RELN: variants seen among roughly 807,000 people sequenced by gnomAD.
RELN encodes the protein reelin.
Under a neutral mutation model 427.6 loss-of-function variants are expected in RELN, and 108 were observed. The ratio of observed to expected loss-of-function variants is 0.25; its 90% CI spans 0.22 to 0.30. The LOEUF is 0.30. Among genes scored for constraint, RELN ranks in the 10% least tolerant of loss-of-function variants. The probability of loss-of-function intolerance (pLI) is 1.00; values close to 1 mark genes in which losing one functional copy is unlikely to be tolerated. For synonymous variants in RELN, 1,524 were observed against 1,513.4 expected, an observed-to-expected ratio of 1.01 and a Z score of -0.16; for missense variants, 3,715 against 4,302.8, an observed-to-expected ratio of 0.86 and a Z score of 3.82.
chr7:103,731,083 A>G (rs1239557189), intron 6 of RELN, among the ~76,000 whole-genome samples: 1 of 152,120 alleles, frequency 6.6e-6, no homozygotes, highest in Non-Finnish European at 1.5e-5. Flanking sequence ...CAATGATGCA[A>G]TGATAGCTAT....
intron 2 of RELN, among the ~76,000 whole-genome samples, chr7:103,885,712 A>G (rs1794712386): frequency 6.6e-6 from 1 of 152,192 alleles, no homozygotes. Context: ...CGTTCTGCAC[A>G]TGTATCCCAG....
At chr7:103,889,222 G>T (rs919475658) in intron 2 of RELN, among the ~76,000 whole-genome samples, 2 of 152,202 alleles carry the variant, frequency 1.3e-5, no homozygotes, top group African/African-American at 4.8e-5. Context: ...TTCATGCAAT[G>T]TAAGTAAAAC....
At position 103,594,469 on chromosome 7, in the gene RELN, G is replaced by A. The variant is rs776929077; in HGVS notation, c.3563C>T (p.Ala1188Val). The change falls in exon 26 of 65, where the codon GCT becomes GTT. Residue 1188 changes from alanine to valine, a missense_variant. Transcript: ENST00000428762. Reference sequence around the variant, plus strand: ...CCTGGTGCAAGGGGTCTTGGCAGCAGCTGGAAGCTCCAGATAGACAAATCT... The same window carrying A: ...CCTGGTGCAAGGGGTCTTGGCAGCAACTGGAAGCTCCAGATAGACAAATCT... Reference protein sequence around the residue: ...KPRFVYLELPAAAKTPCTRFR... With the variant: ...KPRFVYLELPVAAKTPCTRFR... 6.2e-7 allele frequency: 1 copy of A among 1,613,956 alleles called. No homozygotes were observed. The highest frequency in any genetic ancestry group is 8.5e-7 in the Non-Finnish European group (1 of 1,179,900).
chr7:103,822,341 TTAG>T (rs1793035404), intron 3 of RELN, among the ~76,000 whole-genome samples: 1 of 151,968 alleles, frequency 6.6e-6, no homozygotes, highest in African/African-American at 2.4e-5. Flanking sequence ...TTCATAATAT[TTAG>T]AAGAGGAATG....
In RELN at chr7:103,603,478, C is replaced by T. The variant is rs747322114; in HGVS notation, c.3159G>A (p.Gly1053=). The T allele has an allele frequency of 3.1e-6, 5 of 1,613,604 alleles. No individual in the cohort carries two copies. Among genetic ancestry groups the T allele is most frequent in the East Asian group, 4.5e-5 (2 of 44,870 alleles). ...CTGGGTGGCATTCAGTGCCTTGGTA[C>T]CCCTGGTCACACCTATGAGAGAGCA... ...CDHGICRCDQ[G]YQGTECHPEA... Residue 1053 remains glycine, a synonymous_variant, in exon 24 of 65, where the codon GGG becomes GGA. Transcript: ENST00000428762. The surrounding 1 kb of genome is among the most constrained non-coding windows in gnomAD (Gnocchi z 4.3).
chr7:103,487,573 A>T (rs560957632), intron 60 of RELN, among the ~76,000 whole-genome samples: 13 of 152,026 alleles, frequency 8.6e-5, no homozygotes, highest in Admixed American at 6.5e-4. Flanking sequence ...CTTTGAGTCA[A>T]TGTTTACTAA....
chr7:103,626,385 C>A lies in RELN; in HGVS notation c.2702+3555G>T, dbSNP rs1832329649. 6.6e-6 allele frequency among the ~76,000 whole-genome samples: 1 copy of A among 152,116 alleles called. No individual in the cohort carries two copies. Among genetic ancestry groups the A allele is most frequent in the African/African-American group, 2.4e-5 (1 of 41,434 alleles). On this transcript the variant is annotated intron_variant, in intron 20 of 64. Transcript: ENST00000428762. This position sits in a 1 kb window ranked among gnomAD's most constrained non-coding sequence, Gnocchi z 4.4. ...ATTTATTTAGAGACAGAGTCTTGCT[C>A]TGTCACCCAGGCTGGAGTGCATTGG...
At chr7:103,495,642 T>A in intron 57 of RELN, 81 bp downstream of exon 57, 1 of 1,293,690 alleles carries the variant, frequency 7.7e-7, no homozygotes, top group Non-Finnish European at 1.1e-6. Context: ...GTCATTTCCT[T>A]ATAGTTGTCT....
In RELN at chr7:103,522,130, G is replaced by A; in HGVS notation, c.7560C>T (p.Asp2520=). The change falls in exon 48 of 65, where the codon GAC becomes GAT. Residue 2520 remains aspartate (D), a synonymous_variant. Coordinates refer to ENST00000428762, the MANE Select transcript of RELN (RefSeq NM_005045.4). Reference sequence around the variant, plus strand: ...GACTGGATGGAGCTCGATTGAAGTTGTCTTTGAGTTGGGTTGGAAGAGAGG... The same window carrying A: ...GACTGGATGGAGCTCGATTGAAGTTATCTTTGAGTTGGGTTGGAAGAGAGG... ...PETSLPTQLK[D]NFNRAPSSQN... 3 of 1,614,100 alleles carry A rather than the reference G, an allele frequency of 1.9e-6. No homozygotes were observed. The highest frequency in any genetic ancestry group is 1.3e-5 in the African/African-American group (1 of 75,016).
At position 103,515,169 on chromosome 7, in the gene RELN, G is replaced by A. The variant is rs572656670; in HGVS notation, c.8119+16C>T. On this transcript the variant is annotated intron_variant, in intron 50 of 64. Coordinates refer to ENST00000428762, the MANE Select transcript of RELN (RefSeq NM_005045.4). Reference sequence around the variant, plus strand: ...ATTTCCACTGGGCTTTTTATTTAGCGCTGTGCATAATTTACCTGAAGTTTT... The same window carrying A: ...ATTTCCACTGGGCTTTTTATTTAGCACTGTGCATAATTTACCTGAAGTTTT... 15 of 1,614,044 alleles carry A rather than the reference G, an allele frequency of 9.3e-6. No homozygotes were observed. The highest frequency in any genetic ancestry group is 8.0e-5 in the African/African-American group (6 of 75,018).
intron 49 of RELN, among the ~76,000 whole-genome samples, chr7:103,518,369 G>A (rs1829620408): frequency 8.3e-6 from 1 of 120,332 alleles, no homozygotes; most frequent in Non-Finnish European, 1.6e-5. Flanking sequence ...GTCTTACTCT[G>A]TCACCCAGGC....
chr7:103,939,827 A>G (rs934854907), intron 1 of RELN, among the ~76,000 whole-genome samples: 1 of 152,196 alleles, frequency 6.6e-6, no homozygotes, highest in African/African-American at 2.4e-5. Flanking sequence ...TGTGAGAGAT[A>G]CATACTAATG....
In RELN at chr7:103,565,342, T is replaced by C. The variant is rs776664031; in HGVS notation, c.5146A>G (p.Ile1716Val). The C allele has an allele frequency of 1.2e-5, 19 of 1,614,018 alleles. No individual in the cohort carries two copies. The highest frequency in any genetic ancestry group is 1.1e-5 in the South Asian group (1 of 91,086). The stretch of plus-strand genomic sequence containing the variant: ...TTCTGGAATCTTTCCGAGGTGTAAA[T>C]TGAACTTTCCGTGTAATGCAGACAG... ...IGCLHYTESS[I>V]YTSERFQNWK... The change falls in exon 34 of 65, where the codon ATT becomes GTT. Residue 1716 changes from isoleucine (I) to valine (V), a missense_variant. Coordinates refer to ENST00000428762, the MANE Select transcript of RELN (RefSeq NM_005045.4).
rs757899051 is a variant in RELN, at chr7:103,596,637, A to C, written c.3358T>G (p.Trp1120Gly). Residue 1120 changes from tryptophan (W) to glycine (G), a missense_variant, in exon 25 of 65, where the codon TGG becomes GGG. Coordinates refer to ENST00000428762, the MANE Select transcript of RELN (RefSeq NM_005045.4). Reference protein sequence around the residue: ...SKAGKRQLVSWDLDTSWVDFV... With the variant: ...SKAGKRQLVSGDLDTSWVDFV... ...TCCACCCAAGAAGTATCCAGGTCCC[A>C]ACTCACCAGCTGTCTTTTCCCAGCC... 2.5e-6 allele frequency: 4 copies of C among 1,613,908 alleles called. No homozygotes were observed. Among genetic ancestry groups the C allele is most frequent in the Non-Finnish European group, 3.4e-6 (4 of 1,179,922 alleles).
At chr7:103,735,067 T>C (rs1223822008) in intron 6 of RELN, among the ~76,000 whole-genome samples, 1 of 152,134 alleles carries the variant, frequency 6.6e-6, no homozygotes, top group Non-Finnish European at 1.5e-5. Context: ...ATCTCTTTTT[T>C]TTCACTAACA....
chr7:103,894,824 C>T (rs1794924224), intron 2 of RELN, among the ~76,000 whole-genome samples: 1 of 152,054 alleles, frequency 6.6e-6, no homozygotes, highest in Admixed American at 6.6e-5. Context: ...AGATAAGCAA[C>T]CAGCAGTTGG....
At chr7:103,529,203 T>TC (rs1829887862) in intron 46 of RELN, among the ~76,000 whole-genome samples, 2 of 152,010 alleles carry the variant, frequency 1.3e-5, no homozygotes, top group Non-Finnish European at 1.5e-5. Flanking sequence ...CCCATCTCTT[T>TC]CCCCCATTCC....
At chr7:103,633,749 C>T (rs1832520141) in intron 19 of RELN, among the ~76,000 whole-genome samples, 2 of 152,040 alleles carry the variant, frequency 1.3e-5, no homozygotes, top group Non-Finnish European at 1.5e-5. Context: ...TTGCAGCTGT[C>T]CATCTTTCTT....
intron 2 of RELN, among the ~76,000 whole-genome samples, chr7:103,845,941 C>T (rs567502916): frequency 3.2e-4 from 49 of 152,276 alleles, no homozygotes; most frequent in African/African-American, 1.2e-3. Context: ...AATAGCCACA[C>T]TGCCCAAACA....
Sources: gnomAD v4.1 joint callset for allele counts (sites outside exome capture counted in the v4.1 genomes callset) on GRCh38, gnomAD v4.1.1 for gene constraint, Gnocchi (gnomAD v3.1) non-coding constraint, MANE v1.5 for transcripts, NCBI Gene and HGNC (gene_info 2026-07-23, HGNC 2026-07-21) for gene names.